The following PHACTR1 variants were observed in gnomAD, a reference collection of about 807,000 sequenced individuals.
PHACTR1 encodes the protein RPEL repeat containing 1.
In PHACTR1, 16 loss-of-function variants were observed where a neutral mutation model predicts 69.2. That is an observed-to-expected ratio of 0.23 (90% CI 0.16 to 0.35). The LOEUF (loss-of-function observed/expected upper bound fraction) is 0.35, where lower values mean the gene tolerates loss of function less well. Among genes scored for constraint, PHACTR1 ranks in the 10% least tolerant of loss-of-function variants. PHACTR1 has a pLI of 1.00. For missense variants in PHACTR1, 510 were observed against 734.7 expected, an observed-to-expected ratio of 0.69 and a Z score of 3.54; for synonymous variants, 312 against 284.5, an observed-to-expected ratio of 1.10 and a Z score of -0.97.
chr6:12,851,984 G>A (rs968916134), intron 4 of PHACTR1, among the ~76,000 whole-genome samples: 1 of 151,952 alleles, frequency 6.6e-6, no homozygotes, highest in Admixed American at 6.6e-5. Flanking sequence ...ACAGGTACGC[G>A]CCACCACACC....
intron 5 of PHACTR1, among the ~76,000 whole-genome samples, chr6:13,156,827 C>G (rs1207863619): frequency 6.6e-6 from 1 of 152,116 alleles, no homozygotes; most frequent in African/African-American, 2.4e-5. Flanking sequence ...CCTGCATATC[C>G]CTGTCCAAGC....
chr6:13,048,859 A>G (rs1805503768), intron 4 of PHACTR1, among the ~76,000 whole-genome samples: 1 of 152,168 alleles, frequency 6.6e-6, no homozygotes, highest in African/African-American at 2.4e-5. Context: ...CTGTGTTCAT[A>G]AGTTGGCTCA....
chr6:13,286,683 G>A (rs1781752108), intron 14 of PHACTR1, among the ~76,000 whole-genome samples: 1 of 152,244 alleles, frequency 6.6e-6, no homozygotes, highest in African/African-American at 2.4e-5. Flanking sequence ...CCGAGGCATG[G>A]AGTGATTAAG....
chr6:12,965,451 CT>C (rs55640152), intron 4 of PHACTR1, among the ~76,000 whole-genome samples: 80 of 131,948 alleles, frequency 6.1e-4, no homozygotes, highest in Non-Finnish European at 1.0e-3. Context: ...TATTTTGTGC[CT>C]TTTTTTTTTT....
At chr6:12,794,698 C>T (rs963472242) in intron 4 of PHACTR1, among the ~76,000 whole-genome samples, 17 of 152,322 alleles carry the variant, frequency 1.1e-4, no homozygotes, top group Admixed American at 9.2e-4. Flanking sequence ...TCTTCCACCT[C>T]CAGCATGTCT....
chr6:12,748,009 C>CTA (rs1766026727), intron 3 of PHACTR1, among the ~76,000 whole-genome samples: 1 of 152,086 alleles, frequency 6.6e-6, no homozygotes, highest in Admixed American at 6.5e-5. Context: ...CTAAGTATTT[C>CTA]AGAGAAGCTA....
intron 5 of PHACTR1, among the ~76,000 whole-genome samples, chr6:13,074,389 C>T (rs1322600197): frequency 1.3e-5 from 2 of 152,164 alleles, no homozygotes; most frequent in Admixed American, 1.3e-4. Flanking sequence ...TTAAAGTAGA[C>T]TGGGAAACAG....
intron 4 of PHACTR1, among the ~76,000 whole-genome samples, chr6:12,885,185 A>G (rs374918063): frequency 3.3e-5 from 5 of 152,202 alleles, no homozygotes; most frequent in Admixed American, 3.3e-4. Flanking sequence ...GTCCCGTGGA[A>G]CTGCCTTGCG....
chr6:12,747,300 C>T (rs762176034), intron 3 of PHACTR1, among the ~76,000 whole-genome samples: 1 of 152,092 alleles, frequency 6.6e-6, no homozygotes. Flanking sequence ...ACTCACAACC[C>T]TCCTTCACTT....
intron 4 of PHACTR1, among the ~76,000 whole-genome samples, chr6:12,807,812 C>T (rs1774525962): frequency 6.6e-6 from 1 of 152,188 alleles, no homozygotes; most frequent in African/African-American, 2.4e-5. Context: ...GTATTTGTTA[C>T]CCTGAACACC....
At chr6:13,140,384 A>C (rs1014030667) in intron 5 of PHACTR1, among the ~76,000 whole-genome samples, 2 of 152,242 alleles carry the variant, frequency 1.3e-5, no homozygotes, top group Non-Finnish European at 2.9e-5. Flanking sequence ...GAAGCAACCC[A>C]AGTGTCTATT....
chr6:12,769,970 T>G (rs1197354737), intron 4 of PHACTR1, among the ~76,000 whole-genome samples: 1 of 152,214 alleles, frequency 6.6e-6, no homozygotes, highest in East Asian at 1.9e-4. Context: ...GGTAAATCAT[T>G]TAACTCAGGA....
chr6:13,137,604 CTGT>C (rs1212249552), intron 5 of PHACTR1, among the ~76,000 whole-genome samples: 6 of 152,206 alleles, frequency 3.9e-5, no homozygotes, highest in African/African-American at 1.4e-4. Context: ...TTAGCAGTTC[CTGT>C]TGTTTGAATC....
At chr6:12,827,049 C>T (rs186192019) in intron 4 of PHACTR1, among the ~76,000 whole-genome samples, 7 of 152,290 alleles carry the variant, frequency 4.6e-5, no homozygotes, top group African/African-American at 1.4e-4. Flanking sequence ...CGTTATCGTC[C>T]TTCTTTGTTG....
In PHACTR1 at chr6:12,950,522, A is replaced by G. The variant is rs914557603; in HGVS notation, c.251-102843A>G. On this transcript the variant is annotated intron_variant, in intron 4 of 14. Coordinates refer to ENST00000332995, the MANE Select transcript of PHACTR1 (RefSeq NM_030948.6). The stretch of plus-strand genomic sequence containing the variant: ...ATTGTGTTCATCTTTGGAAAATGCA[A>G]TCTGCAACTTAGAGGTTTTCCGGGA... Among the ~76,000 whole-genome samples the G allele has an allele frequency of 4.6e-5, 7 of 152,318 alleles. No homozygotes were observed. The East Asian group carries it at 7.7e-4, about 17-fold the overall frequency.
chr6:13,211,507 G>A (rs1355856982), intron 8 of PHACTR1, among the ~76,000 whole-genome samples: 1 of 152,016 alleles, frequency 6.6e-6, no homozygotes, highest in African/African-American at 2.4e-5. Context: ...GGTGGAATGT[G>A]GATCCATGTG....
intron 4 of PHACTR1, among the ~76,000 whole-genome samples, chr6:12,804,137 CATT>C (rs1271796486): frequency 6.6e-6 from 1 of 152,202 alleles, no homozygotes; most frequent in Non-Finnish European, 1.5e-5. Context: ...ACCTACAAAA[CATT>C]ATCTGGTACC....
At chr6:12,747,426 G>C (rs1424980539) in intron 3 of PHACTR1, among the ~76,000 whole-genome samples, 1 of 151,888 alleles carries the variant, frequency 6.6e-6, no homozygotes, top group Non-Finnish European at 1.5e-5. Context: ...CAGTTTGAGA[G>C]ACCCAGACAG....
chr6:13,030,188 C>A (rs1179786777), intron 4 of PHACTR1, among the ~76,000 whole-genome samples: 1 of 151,592 alleles, frequency 6.6e-6, no homozygotes, highest in Admixed American at 6.6e-5. Flanking sequence ...TAAACGCATT[C>A]ACACTGAATT....
Sources: gnomAD v4.1 joint callset for allele counts (sites outside exome capture counted in the v4.1 genomes callset) on GRCh38, gnomAD v4.1.1 for gene constraint, MANE v1.5 for transcripts, NCBI Gene and HGNC (gene_info 2026-07-23, HGNC 2026-07-21) for gene names.